The following NTM variants were observed in gnomAD, a reference collection of about 807,000 sequenced individuals.
NTM encodes neurotrimin, also known as IgLON family member 2.
Under a neutral mutation model 42.1 loss-of-function variants are expected in NTM, and 13 were observed. The observed-to-expected ratio is 0.31, with a 90% CI of 0.20 to 0.49. NTM has a LOEUF of 0.49. Ranked by LOEUF, NTM falls within the 20% of genes least tolerant of loss-of-function variation. The pLI is 0.99. For missense variants in NTM, 373 were observed against 452.8 expected (o/e 0.82, Z 1.60); for synonymous variants, 187 against 179.2 (o/e 1.04, Z -0.35).
chr11:132,045,430 C>T (rs1190547473), intron 2 of NTM, among the ~76,000 whole-genome samples: 1 of 152,092 alleles, frequency 6.6e-6, no homozygotes, highest in East Asian at 1.9e-4. Flanking sequence ...ACATTTTTCC[C>T]ATTGATTATT....
intron 4 of NTM, among the ~76,000 whole-genome samples, chr11:132,307,114 G>A (rs1011514294): frequency 6.6e-6 from 1 of 152,106 alleles, no homozygotes; most frequent in Non-Finnish European, 1.5e-5. Context: ...CTAGCAGATC[G>A]AAGTTTAGCA....
At chr11:131,590,874 C>T (rs992124852) in intron 1 of NTM, among the ~76,000 whole-genome samples, 14 of 152,174 alleles carry the variant, frequency 9.2e-5, no homozygotes, top group African/African-American at 3.4e-4. Context: ...TTGCTGTCCC[C>T]ACACAACTCC....
In NTM at chr11:131,894,899, C is replaced by T. The variant is rs570245015; in HGVS notation, c.83-16665C>T. Among the ~76,000 whole-genome samples the T allele has an allele frequency of 2.6e-5, 4 of 152,292 alleles. No homozygotes were observed. In the South Asian group the frequency reaches 6.2e-4, roughly 24 times the overall value. On this transcript the variant is annotated intron_variant, in intron 1 of 8. Transcript: ENST00000683400. ...CCTAAGACAATGTTCTGTTGAAAGG[C>T]CACTTCCATTTCCAACGCCAGCAGT... is the stretch of plus-strand genomic sequence containing the variant.
At chr11:132,095,900 A>T (rs934298541) in intron 2 of NTM, among the ~76,000 whole-genome samples, 2 of 151,898 alleles carry the variant, frequency 1.3e-5, no homozygotes, top group Admixed American at 6.6e-5. Context: ...GGCCAAAAAG[A>T]CTCTTCTCGT....
intron 1 of NTM, among the ~76,000 whole-genome samples, chr11:131,586,698 T>C (rs2058893933): frequency 2.0e-5 from 3 of 152,198 alleles, no homozygotes. Flanking sequence ...GCTGCTTTGT[T>C]TGTTACACAG....
At chr11:132,169,320 C>CTTTACTTT (rs2075776577) in intron 3 of NTM, among the ~76,000 whole-genome samples, 2 of 32,356 alleles carry the variant, frequency 6.2e-5, no homozygotes, top group Admixed American at 6.6e-4. Flanking sequence ...AATTTTTTTA[C>CTTTACTTT]TTTTTTTTTT....
intron 1 of NTM, among the ~76,000 whole-genome samples, chr11:131,752,427 T>C (rs2082681171): frequency 6.6e-6 from 1 of 152,192 alleles, no homozygotes; most frequent in Non-Finnish European, 1.5e-5. Flanking sequence ...AGGAACACTT[T>C]TACATCGCTG....
chr11:132,183,693 C>T (rs2077949742), intron 3 of NTM, among the ~76,000 whole-genome samples: 1 of 152,154 alleles, frequency 6.6e-6, no homozygotes, highest in Admixed American at 6.5e-5. Flanking sequence ...GTCATAGAAA[C>T]TTTAGACTCA....
intron 1 of NTM, among the ~76,000 whole-genome samples, chr11:131,494,873 C>T (rs1406961876): frequency 1.3e-5 from 2 of 152,190 alleles, no homozygotes; most frequent in Non-Finnish European, 2.9e-5. Flanking sequence ...GTGGAGGCAG[C>T]TCTGGGAAAT....
rs962711900 is a variant in NTM, at chr11:131,796,023, C to G, written c.83-115541C>G. ...AGTTGTGTGCAGGGGCAATCAGCTG[C>G]CAGCCAGCATGTGCATCGAGGTGTA... On this transcript the variant is annotated intron_variant, in intron 1 of 8. Transcript: ENST00000683400. The G allele has an allele frequency of 1.1e-5, 11 of 985,360 alleles. No individual in the cohort carries two copies. In the South Asian group the frequency reaches 4.2e-4, roughly 38 times the overall value. The allele number at this position is 985,360 out of a possible 1,614,324, so 61.0% of individuals were successfully genotyped here.
At chr11:131,973,560 C>T (rs907784084) in intron 2 of NTM, among the ~76,000 whole-genome samples, 22 of 152,286 alleles carry the variant, frequency 1.4e-4, no homozygotes, top group Admixed American at 5.9e-4. Context: ...TGGCTCATGC[C>T]GATAATCCCA....
At chr11:132,042,715 A>C (rs539959672) in intron 2 of NTM, among the ~76,000 whole-genome samples, 1 of 152,326 alleles carries the variant, frequency 6.6e-6, no homozygotes, top group South Asian at 2.1e-4. Context: ...ATGTTCTGTC[A>C]CAGTCAAGTA....
At position 131,608,070 on chromosome 11, in the gene NTM, C is replaced by G. The variant is rs2061141149; in HGVS notation, c.82+237182C>G. ...CCTCCCCCAACCCCACAACAGTCCCCAGTGTGTGATGTTCCCCTTCCTGTG... is the reference window on the plus strand; with the variant it reads ...CCTCCCCCAACCCCACAACAGTCCCGAGTGTGTGATGTTCCCCTTCCTGTG... On this transcript the variant is annotated intron_variant, in intron 1 of 8. Transcript: ENST00000683400. Among the ~76,000 whole-genome samples, 4 of 152,234 alleles carry G rather than the reference C, an allele frequency of 2.6e-5. No individual in the cohort carries two copies. In the South Asian group the frequency reaches 8.3e-4, roughly 32 times the overall value.
rs868663627 is a variant in NTM at position 131,540,172 on chromosome 11, T to G, written c.82+169284T>G. Among the ~76,000 whole-genome samples the G allele has an allele frequency of 1.2e-3, 165 of 134,720 alleles. 1 individual carries two copies. The highest frequency in any genetic ancestry group is 5.1e-3 in the African/African-American group (162 of 31,882). 88.4% of individuals were successfully genotyped at this position (134,720 alleles called of 152,430 possible). A position where few individuals can be genotyped will look rare whatever the true frequency, so the allele number is the denominator to read the frequency against. On this transcript the variant is annotated intron_variant, in intron 1 of 8. Coordinates refer to ENST00000683400, the MANE Select transcript of NTM (RefSeq NM_001352005.2). ...TAAGCTTGTTTTTTTTTTTTTTTTT[T>G]TTTTTTTTTTGAGACGGAGTCTCCC...
intron 2 of NTM, among the ~76,000 whole-genome samples, chr11:131,979,034 G>T (rs952025262): frequency 2.0e-5 from 3 of 151,964 alleles, no homozygotes; most frequent in African/African-American, 7.3e-5. Context: ...TAAATCGCTC[G>T]CTCTTGGGTA....
chr11:131,659,608 T>C lies in NTM; in HGVS notation c.83-251956T>C, dbSNP rs144411590. 2.8e-3 allele frequency among the ~76,000 whole-genome samples: 425 copies of C among 152,372 alleles called. 2 individuals carry two copies. Among genetic ancestry groups the C allele is most frequent in the Admixed American group, 4.0e-3 (61 of 15,310 alleles). Reference sequence around the variant, plus strand: ...GAAGTACGGTGTTTTAGTTTATATATAGCAAGAAACATTTCTGAGTCAAAT... The same window carrying C: ...GAAGTACGGTGTTTTAGTTTATATACAGCAAGAAACATTTCTGAGTCAAAT... On this transcript the variant is annotated intron_variant, in intron 1 of 8. Transcript: ENST00000683400.
intron 1 of NTM, among the ~76,000 whole-genome samples, chr11:131,672,876 C>A: frequency 1.2e-5 from 1 of 83,900 alleles, no homozygotes; most frequent in African/African-American, 5.5e-5. Flanking sequence ...TGTTCCTTGC[C>A]TATTTCCCTT....
At chr11:131,912,249 A>T (rs113306085) in intron 2 of NTM, among the ~76,000 whole-genome samples, 3,033 of 152,200 alleles carry the variant, frequency 0.02, 112 homozygotes, top group African/African-American at 0.068. Context: ...CAAGTCATGG[A>T]GTCTGATTTG....
chr11:131,756,565 G>T (rs919907999), intron 1 of NTM, among the ~76,000 whole-genome samples: 1 of 151,918 alleles, frequency 6.6e-6, no homozygotes, highest in Admixed American at 6.6e-5. Flanking sequence ...GTATGCACTT[G>T]TGGTCCCAGC....
Sources: allele counts gnomAD v4.1 joint callset (sites outside exome capture counted in the v4.1 genomes callset), GRCh38; gene constraint gnomAD v4.1.1; transcripts MANE v1.5; gene names NCBI Gene and HGNC (gene_info 2026-07-23, HGNC 2026-07-21).